The following SPIRE1 variants were observed in gnomAD, a reference collection of about 807,000 sequenced individuals.
The protein encoded by SPIRE1 is protein spire homolog 1.
A neutral mutation model predicts 94.1 loss-of-function variants in SPIRE1; 40 were observed. The ratio of observed to expected loss-of-function variants is 0.43; its 90% CI spans 0.33 to 0.55. The LOEUF (loss-of-function observed/expected upper bound fraction) is 0.55. Ranked by LOEUF, SPIRE1 falls within the 20% of genes least tolerant of loss-of-function variation. The pLI is 0.06. For synonymous variants in SPIRE1, 376 were observed against 371.7 expected, an observed-to-expected ratio of 1.01 and a Z score of -0.13; for missense variants, 838 against 975.2, an observed-to-expected ratio of 0.86 and a Z score of 1.87.
chr18:12,608,201 CCTA>C (rs1276544860), intron 2 of SPIRE1, among the ~76,000 whole-genome samples: 2 of 151,588 alleles, frequency 1.3e-5, no homozygotes, highest in African/African-American at 2.4e-5. Context: ...AATATATCCA[CCTA>C]CTATGTACCC....
At chr18:12,626,698 G>A (rs200641985) in intron 2 of SPIRE1, among the ~76,000 whole-genome samples, 4 of 57,936 alleles carry the variant, frequency 6.9e-5, no homozygotes, top group African/African-American at 1.8e-4. Context: ...AAAGTAAAGA[G>A]ATAAAGTGGT....
At chr18:12,506,731 G>T in intron 5 of SPIRE1, 90 bp from the exon 6 acceptor site, 4 of 1,274,628 alleles carry the variant, frequency 3.1e-6, no homozygotes, top group South Asian at 1.4e-5. Flanking sequence ...GAAGAGCTTG[G>T]ATTACAAAAC....
chr18:12,600,080 G>C (rs543626358), intron 2 of SPIRE1, among the ~76,000 whole-genome samples: 3 of 141,070 alleles, frequency 2.1e-5, no homozygotes, highest in African/African-American at 7.9e-5. Context: ...CGTGCTGAGG[G>C]CATTCTCCAG....
chr18:12,479,996 T>G (rs1430791738), intron 9 of SPIRE1, 125 bp from the exon 10 acceptor site: 1 of 822,326 alleles, frequency 1.2e-6, no homozygotes, highest in Non-Finnish European at 1.8e-6. Context: ...ACCTTGCCTA[T>G]GTATAGAAAA....
intron 2 of SPIRE1, among the ~76,000 whole-genome samples, chr18:12,614,141 G>C (rs1202754212): frequency 6.6e-6 from 1 of 152,076 alleles, no homozygotes; most frequent in Admixed American, 6.6e-5. Context: ...ACACCTGTTA[G>C]TCCTAGCTAG....
chr18:12,615,345 A>AAAAAAAAAAAAATATATATATAT, intron 2 of SPIRE1, among the ~76,000 whole-genome samples: 1 of 17,242 alleles, frequency 5.8e-5, no homozygotes, highest in African/African-American at 1.2e-4. Context: ...AAAAAAAAAA[A>AAAAAAAAAAAAATATATATATAT]ATATATATAT....
chr18:12,636,659 T>C (rs2037937572), intron 1 of SPIRE1, among the ~76,000 whole-genome samples: 1 of 152,100 alleles, frequency 6.6e-6, no homozygotes, highest in Admixed American at 6.6e-5. Flanking sequence ...AAATTATATA[T>C]GAGCAATAAA....
chr18:12,512,408 T>A, intron 5 of SPIRE1, 46 bp downstream of exon 5: 3 of 1,345,304 alleles, frequency 2.2e-6, no homozygotes, highest in Non-Finnish European at 3.1e-6. Context: ...AAAATTATAC[T>A]ATTTCTTAGA....
intron 4 of SPIRE1, among the ~76,000 whole-genome samples, chr18:12,519,735 C>T (rs1162312273): frequency 1.3e-5 from 2 of 152,116 alleles, no homozygotes; most frequent in Non-Finnish European, 2.9e-5. Flanking sequence ...TACAATAAGA[C>T]AAATGCAAAT....
intron 10 of SPIRE1, among the ~76,000 whole-genome samples, chr18:12,472,204 G>A (rs2032388816): frequency 6.6e-6 from 1 of 152,084 alleles, no homozygotes; most frequent in South Asian, 2.1e-4. Context: ...TGTAATCCTA[G>A]CACTTTGCGA....
intron 4 of SPIRE1, 107 bp downstream of exon 4, chr18:12,535,369 T>C: frequency 2.4e-6 from 3 of 1,228,772 alleles, no homozygotes; most frequent in Non-Finnish European, 3.4e-6. Context: ...ATAAATCTTT[T>C]AAAACAATAC....
At chr18:12,462,233 C>T (rs1041365042) in intron 12 of SPIRE1, among the ~76,000 whole-genome samples, 1 of 152,188 alleles carries the variant, frequency 6.6e-6, no homozygotes, top group Admixed American at 6.5e-5. Context: ...TTCAAAATCC[C>T]TGTCTTCACA....
chr18:12,521,336 C>A (rs1456244190), intron 4 of SPIRE1, among the ~76,000 whole-genome samples: 1 of 143,454 alleles, frequency 7.0e-6, no homozygotes, highest in Non-Finnish European at 1.5e-5. Context: ...ATAGCAGATA[C>A]TTTTTTTTTT....
At chr18:12,556,952 G>A (rs1291829487) in intron 2 of SPIRE1, among the ~76,000 whole-genome samples, 1 of 152,174 alleles carries the variant, frequency 6.6e-6, no homozygotes, top group Non-Finnish European at 1.5e-5. Context: ...TTCACGGAGA[G>A]CTGATTGGTC....
intron 2 of SPIRE1, among the ~76,000 whole-genome samples, chr18:12,607,064 T>C (rs2036999141): frequency 6.6e-6 from 1 of 152,228 alleles, no homozygotes; most frequent in African/African-American, 2.4e-5. Context: ...ATTACTATGC[T>C]TGTTTAACTG....
chr18:12,558,700 C>G (rs975417484), intron 2 of SPIRE1, among the ~76,000 whole-genome samples: 2 of 151,912 alleles, frequency 1.3e-5, no homozygotes, highest in East Asian at 3.9e-4. Flanking sequence ...CATAAAAGTT[C>G]GCCAAGTCCG....
At chr18:12,525,840 C>A (rs1210610055) in intron 4 of SPIRE1, among the ~76,000 whole-genome samples, 1 of 152,114 alleles carries the variant, frequency 6.6e-6, no homozygotes, top group Non-Finnish European at 1.5e-5. Flanking sequence ...TCCATCTACT[C>A]ATTCCTAGCA....
intron 3 of SPIRE1, 64 bp downstream of exon 3, chr18:12,546,610 A>T (rs56908154): frequency 5.6e-5 from 19 of 337,096 alleles, no homozygotes; most frequent in East Asian, 1.2e-4. Context: ...CCAGGGGGGG[A>T]AAAAAAAGAA....
At chr18:12,466,951 G>A (rs2032130930) in intron 10 of SPIRE1, among the ~76,000 whole-genome samples, 1 of 151,892 alleles carries the variant, frequency 6.6e-6, no homozygotes, top group Non-Finnish European at 1.5e-5. Flanking sequence ...AGAACAGGGC[G>A]GAAAAAAAGG....
Sources: gnomAD v4.1 joint callset for allele counts (sites outside exome capture counted in the v4.1 genomes callset) on GRCh38, gnomAD v4.1.1 for gene constraint, MANE v1.5 for transcripts, NCBI Gene and HGNC (gene_info 2026-07-23, HGNC 2026-07-21) for gene names.